Variants in IL1RAPL1 observed in about 807,000 individuals in gnomAD.
IL1RAPL1 encodes interleukin-1 receptor accessory protein-like 1.
Under a neutral mutation model 48.4 loss-of-function variants are expected in IL1RAPL1, and 3 were observed. That is an observed-to-expected ratio of 0.06 (90% CI 0.03 to 0.16). IL1RAPL1 has a LOEUF of 0.16. Ranked by LOEUF, IL1RAPL1 falls within the 10% of genes least tolerant of loss-of-function variation. IL1RAPL1 has a pLI of 1.00. For missense variants in IL1RAPL1, 349 were observed against 530.6 expected (o/e 0.66, Z 3.36); for synonymous variants, 185 against 187.7 (o/e 0.99, Z 0.12).
At chrX:28,772,007 A>C (rs1936315306) in intron 1 of IL1RAPL1, among the ~76,000 whole-genome samples, 1 of 110,883 alleles carries the variant, frequency 9.0e-6, no homozygotes, top group South Asian at 3.8e-4. Context: ...TTTGGAAACA[A>C]CTTTTACAGA....
chrX:29,454,345 T>TTTC (rs1160115977), intron 5 of IL1RAPL1, among the ~76,000 whole-genome samples: 1 of 111,866 alleles, frequency 8.9e-6, no homozygotes, highest in Admixed American at 9.6e-5. Context: ...GTACCTCAGT[T>TTTC]GGAAGGTAGC....
At chrX:29,418,116 TATATATATA>T (rs1160484361) in intron 5 of IL1RAPL1, among the ~76,000 whole-genome samples, 57 of 39,176 alleles carry the variant, frequency 1.5e-3, no homozygotes, top group Admixed American at 3.8e-3. Context: ...TATATATATA[TATATATATA>T]TTTTTTTTTT....
intron 2 of IL1RAPL1, among the ~76,000 whole-genome samples, chrX:28,999,191 T>C (rs746292687): frequency 1.8e-5 from 2 of 110,238 alleles, no homozygotes; most frequent in East Asian, 5.7e-4. Context: ...CATCCTCTAC[T>C]CCCTCTCTTT....
intron 2 of IL1RAPL1, among the ~76,000 whole-genome samples, chrX:29,095,997 TGATA>T (rs1046131481): frequency 1.8e-5 from 2 of 111,841 alleles, no homozygotes; most frequent in African/African-American, 6.5e-5. Flanking sequence ...TGGGATTGAT[TGATA>T]AACACAAACT....
At chrX:29,231,474 G>A (rs1206837735) in intron 2 of IL1RAPL1, among the ~76,000 whole-genome samples, 2 of 112,075 alleles carry the variant, frequency 1.8e-5, no homozygotes, top group African/African-American at 3.2e-5. Context: ...GCCTTGTGGT[G>A]TCTGTTGGTT....
At chrX:29,050,286 C>T (rs1373460423) in intron 2 of IL1RAPL1, among the ~76,000 whole-genome samples, 5 of 111,545 alleles carry the variant, frequency 4.5e-5, no homozygotes, top group Non-Finnish European at 9.4e-5. Flanking sequence ...TGCTGTTCTT[C>T]CGATGATTGG....
chrX:29,348,551 T>C (rs1181821930), intron 3 of IL1RAPL1, among the ~76,000 whole-genome samples: 1 of 111,793 alleles, frequency 8.9e-6, no homozygotes, highest in Non-Finnish European at 1.9e-5. Context: ...AGAGACATTG[T>C]GTTAAAGCAG....
chrX:29,027,195 T>C (rs746963469), intron 2 of IL1RAPL1, among the ~76,000 whole-genome samples: 1 of 112,283 alleles, frequency 8.9e-6, no homozygotes, highest in Non-Finnish European at 1.9e-5. Context: ...TACCTATCCA[T>C]CCTTCCTTCC....
At chrX:28,745,573 A>G (rs1433144283) in intron 1 of IL1RAPL1, among the ~76,000 whole-genome samples, 1 of 106,253 alleles carries the variant, frequency 9.4e-6, no homozygotes, top group African/African-American at 3.4e-5. Flanking sequence ...AAACGAGTTC[A>G]GGAGGGCAGT....
In IL1RAPL1 at chrX:29,480,285, C is replaced by CAT. The variant is rs1180845228; in HGVS notation, c.703+80981_703+80982dup. Among the ~76,000 whole-genome samples, 464 of 56,628 alleles carry CAT rather than the reference C, an allele frequency of 8.2e-3. 5 individuals carry two copies. Among genetic ancestry groups the CAT allele is most frequent in the African/African-American group, 0.045 (436 of 9,609 alleles). 49.2% of individuals were successfully genotyped at this position (56,628 alleles called of 115,157 possible). ...GAAGCATGATATATGTATACACACA[C>CAT]ATATACATATATATATATATATATA... On this transcript the variant is annotated intron_variant, in intron 5 of 10. Coordinates refer to ENST00000378993, the MANE Select transcript of IL1RAPL1 (RefSeq NM_014271.4).
At chrX:28,757,125 T>G (rs1252772735) in intron 1 of IL1RAPL1, among the ~76,000 whole-genome samples, 2 of 112,555 alleles carry the variant, frequency 1.8e-5, no homozygotes, top group Non-Finnish European at 3.8e-5. Flanking sequence ...ATCCTTCAAT[T>G]TCTTTACCTT....
At chrX:28,777,026 C>A (rs113488874) in intron 1 of IL1RAPL1, among the ~76,000 whole-genome samples, 2,954 of 111,952 alleles carry the variant, frequency 0.026, 103 homozygotes, top group African/African-American at 0.09. Context: ...TCACAAACTT[C>A]GTGGCTCAAA....
At chrX:29,501,466 CAT>C (rs958143836) in intron 5 of IL1RAPL1, among the ~76,000 whole-genome samples, 1 of 110,898 alleles carries the variant, frequency 9.0e-6, no homozygotes, top group African/African-American at 3.3e-5. Flanking sequence ...GTTTTTAATC[CAT>C]TTTGATTTGA....
chrX:29,468,527 C>G (rs769147502), intron 5 of IL1RAPL1, among the ~76,000 whole-genome samples: 7 of 104,101 alleles, frequency 6.7e-5, no homozygotes, highest in African/African-American at 2.4e-4. Flanking sequence ...AACAATCCTC[C>G]TAGGCATAGT....
At chrX:29,194,138 T>G (rs1212737031) in intron 2 of IL1RAPL1, among the ~76,000 whole-genome samples, 2 of 111,998 alleles carry the variant, frequency 1.8e-5, no homozygotes, top group Non-Finnish European at 3.8e-5. Flanking sequence ...CATTTAAAAA[T>G]CATTGGACTG....
At chrX:29,522,673 G>A (rs1935514391) in intron 5 of IL1RAPL1, among the ~76,000 whole-genome samples, 1 of 112,134 alleles carries the variant, frequency 8.9e-6, no homozygotes, top group Admixed American at 9.5e-5. Context: ...CAATTAAACA[G>A]TTCTCTGTTC....
At chrX:29,320,883 C>A (rs1045487792) in intron 3 of IL1RAPL1, among the ~76,000 whole-genome samples, 6 of 110,500 alleles carry the variant, frequency 5.4e-5, no homozygotes, top group Non-Finnish European at 1.1e-4. Flanking sequence ...TGATATGATC[C>A]ATTTTATGTT....
At chrX:29,196,011 A>G (rs1487354612) in intron 2 of IL1RAPL1, among the ~76,000 whole-genome samples, 4 of 112,186 alleles carry the variant, frequency 3.6e-5, no homozygotes, top group Non-Finnish European at 7.5e-5. Flanking sequence ...CCCCATTATC[A>G]AAATAACTTG....
chrX:28,591,394 A>G (rs1449255326), intron 1 of IL1RAPL1, among the ~76,000 whole-genome samples: 3 of 112,337 alleles, frequency 2.7e-5, no homozygotes, highest in Non-Finnish European at 5.6e-5. Flanking sequence ...TTGAAGATTT[A>G]TATTTCAGAA....
Sources: gnomAD v4.1 joint callset for allele counts (sites outside exome capture counted in the v4.1 genomes callset) on GRCh38, gnomAD v4.1.1 for gene constraint, MANE v1.5 for transcripts, NCBI Gene and HGNC (gene_info 2026-07-23, HGNC 2026-07-21) for gene names.